LHX8: variants seen among roughly 807,000 people sequenced by gnomAD.
The protein encoded by LHX8 is LIM/homeobox protein Lhx8.
LHX8 carries 12 observed loss-of-function variants against 40.3 expected under a neutral mutation model. The observed-to-expected ratio is 0.30, with a 90% CI of 0.19 to 0.48. LHX8 has a LOEUF of 0.48. Ranked by LOEUF, LHX8 falls within the 20% of genes least tolerant of loss-of-function variation. The pLI is 0.99. For synonymous variants in LHX8, 179 were observed against 162.0 expected, an observed-to-expected ratio of 1.10 and a Z score of -0.80; for missense variants, 344 against 433.7, an observed-to-expected ratio of 0.79 and a Z score of 1.84.
the LHX8 span, among the ~76,000 whole-genome samples, chr1:75,194,212 G>A: frequency 6.6e-6 from 1 of 151,156 alleles, no homozygotes; most frequent in African/African-American, 2.5e-5. Context: ...TATTCATTTA[G>A]CCTATATTTA....
chr1:75,164,585 G>A (rs1458018797), downstream of LHX8, among the ~76,000 whole-genome samples: 1 of 152,118 alleles, frequency 6.6e-6, no homozygotes, highest in Non-Finnish European at 1.5e-5. Flanking sequence ...AGTGTTTGAA[G>A]TGTTTTTGGA....
chr1:75,134,232 T>C (rs781473105), upstream of LHX8, among the ~76,000 whole-genome samples: 1 of 152,098 alleles, frequency 6.6e-6, no homozygotes, highest in Non-Finnish European at 1.5e-5. Flanking sequence ...ATAAAGATTT[T>C]AACATGTAGA....
chr1:75,164,963 A>T (rs1392013155), downstream of LHX8, among the ~76,000 whole-genome samples: 2 of 152,174 alleles, frequency 1.3e-5, no homozygotes, highest in African/African-American at 4.8e-5. Flanking sequence ...ATGAGCCACT[A>T]CGTCCAGCCG....
At chr1:75,184,474 A>T in the LHX8 span, among the ~76,000 whole-genome samples, 10 of 152,232 alleles carry the variant, frequency 6.6e-5, no homozygotes, top group Non-Finnish European at 1.3e-4. Context: ...AATTTATCAA[A>T]ACCACACAAT....
intron 3 of LHX8, among the ~76,000 whole-genome samples, chr1:75,138,453 TA>T (rs1172525954): frequency 2.0e-5 from 3 of 152,182 alleles, no homozygotes; most frequent in Non-Finnish European, 4.4e-5. Context: ...TAAAAAGATT[TA>T]AAAATGACTA....
At chr1:75,182,704 C>T in the LHX8 span, among the ~76,000 whole-genome samples, 1 of 152,136 alleles carries the variant, frequency 6.6e-6, no homozygotes, top group Non-Finnish European at 1.5e-5. Context: ...AGTACCATGC[C>T]ACTTTTGTAA....
At chr1:75,185,561 A>G in the LHX8 span, among the ~76,000 whole-genome samples, 1 of 152,040 alleles carries the variant, frequency 6.6e-6, no homozygotes, top group Non-Finnish European at 1.5e-5. Flanking sequence ...AATAAGCGCC[A>G]TCTATGGCAA....
intron 4 of LHX8, among the ~76,000 whole-genome samples, chr1:75,141,496 G>T (rs1001261419): frequency 2.0e-5 from 3 of 152,060 alleles, no homozygotes; most frequent in African/African-American, 7.2e-5. Flanking sequence ...TCAAGATTTT[G>T]TTATGCTTTT....
At chr1:75,149,838 A>C (rs1282491848) in intron 7 of LHX8, among the ~76,000 whole-genome samples, 1 of 152,174 alleles carries the variant, frequency 6.6e-6, no homozygotes, top group Admixed American at 6.5e-5. Flanking sequence ...ATGAGCCACC[A>C]TGCCCAGCTG....
the LHX8 span, among the ~76,000 whole-genome samples, chr1:75,177,659 C>G: frequency 2.0e-5 from 3 of 152,118 alleles, no homozygotes; most frequent in East Asian, 5.8e-4. Flanking sequence ...AATTGAATGC[C>G]CTTTATTGCT....
chr1:75,193,517 G>A, the LHX8 span, among the ~76,000 whole-genome samples: 1 of 152,130 alleles, frequency 6.6e-6, no homozygotes, highest in African/African-American at 2.4e-5. Flanking sequence ...GAACAGCAAG[G>A]CACATTTACT....
At chr1:75,143,093 C>A (rs762590554) in intron 4 of LHX8, 25 bp from the exon 5 acceptor site, 2 of 1,583,792 alleles carry the variant, frequency 1.3e-6, no homozygotes, top group Non-Finnish European at 1.7e-6. Flanking sequence ...AAAATATTTA[C>A]CTTCCACACC....
At chr1:75,143,741 A>G (rs1301216559) in intron 5 of LHX8, 104 bp from the exon 6 acceptor site, 1 of 843,602 alleles carries the variant, frequency 1.2e-6, no homozygotes, top group Non-Finnish European at 2.0e-6. Flanking sequence ...TCTAGAAAAC[A>G]TATACAGTTA....
chr1:75,197,012 A>G, the LHX8 span, among the ~76,000 whole-genome samples: 4 of 152,324 alleles, frequency 2.6e-5, no homozygotes, highest in African/African-American at 9.6e-5. Flanking sequence ...AACATATGAA[A>G]AAACAACAAC....
chr1:75,135,534 C>T (rs1384625882), intron 1 of LHX8, among the ~76,000 whole-genome samples: 6 of 152,188 alleles, frequency 3.9e-5, no homozygotes, highest in South Asian at 2.1e-4. Flanking sequence ...TGGTATCTTG[C>T]CTGGTGCTTC....
At chr1:75,136,981 G>A in intron 2 of LHX8, 119 bp from the exon 3 acceptor site, 1 of 1,137,114 alleles carries the variant, frequency 8.8e-7, no homozygotes. Flanking sequence ...AAGAAGCTGG[G>A]GGTGGGGTGG....
intron 8 of LHX8, chr1:75,159,319 G>A (rs925976208): frequency 3.3e-5 from 5 of 151,938 alleles, no homozygotes; most frequent in African/African-American, 1.2e-4. Context: ...TGTTTGTCTT[G>A]AAAAAGTTTT....
chr1:75,198,565 G>A, the LHX8 span, among the ~76,000 whole-genome samples: 24 of 151,682 alleles, frequency 1.6e-4, no homozygotes, highest in African/African-American at 5.3e-4. Context: ...GAGTGACAGG[G>A]TGACGTTGGA....
chr1:75,136,798 C>G, intron 2 of LHX8, 109 bp downstream of exon 2: 1 of 821,574 alleles, frequency 1.2e-6, no homozygotes, highest in African/African-American at 1.7e-5. Flanking sequence ...GCCCCTCCTG[C>G]AGCAGACAGA....
Sources: gnomAD v4.1 joint callset for allele counts (sites outside exome capture counted in the v4.1 genomes callset) on GRCh38, gnomAD v4.1.1 for gene constraint, MANE v1.5 for transcripts, NCBI Gene and HGNC (gene_info 2026-07-23, HGNC 2026-07-21) for gene names.